Variants in KY observed in about 807,000 individuals in gnomAD.
KY encodes kyphoscoliosis peptidase.
Under a neutral mutation model 76.1 loss-of-function variants are expected in KY, and 43 were observed. The ratio of observed to expected loss-of-function variants is 0.57; its 90% CI spans 0.44 to 0.73. The LOEUF (loss-of-function observed/expected upper bound fraction) is 0.73, where lower values mean the gene tolerates loss of function less well. KY is among the 30% of genes least tolerant of loss of function. KY has a pLI of 0.00. For missense variants in KY, 722 were observed against 828.9 expected, an observed-to-expected ratio of 0.87 and a Z score of 1.58; for synonymous variants, 277 against 326.2, an observed-to-expected ratio of 0.85 and a Z score of 1.63.
intron 10 of KY, among the ~76,000 whole-genome samples, chr3:134,605,837 C>T (rs1403015176): frequency 6.6e-6 from 1 of 152,156 alleles, no homozygotes; most frequent in African/African-American, 2.4e-5. Flanking sequence ...CTCTTTGCGA[C>T]CCCCACTCTT....
rs201176095 is a variant in KY, at chr3:134,610,218, G to A, written c.876C>T (p.Thr292=). ...DSTWGSGLVD[T]ITSKFTFLYN... ...ACAGGAAGGTGAATTTGGAGGTGAT[G>A]GTGTCCACCAGGCCGCTGCCCCAGG... is the stretch of plus-strand genomic sequence containing the variant. Residue 292 remains threonine (T), a synonymous_variant, in exon 9 of 11, where the codon ACC becomes ACT. Coordinates refer to ENST00000423778, the MANE Select transcript of KY (RefSeq NM_178554.6). The A allele has an allele frequency of 3.7e-6, 6 of 1,613,426 alleles. No homozygotes were observed. The highest frequency in any genetic ancestry group is 5.1e-6 in the Non-Finnish European group (6 of 1,179,668).
Position 134,650,578 on chromosome 3 carries a change from G to A in KY, c.136+247C>T, listed in dbSNP as rs1868164. ...GAGGAAAAAGACTCCCAGGGGTGAC[G>A]GAAGCACCCACAGGCCTGCACAGGG... On this transcript the variant is annotated intron_variant, in intron 1 of 10. Transcript: ENST00000423778. 0.61 allele frequency among the ~76,000 whole-genome samples: 92,670 copies of A among 152,074 alleles called. 29,040 individuals are homozygous for A. Among genetic ancestry groups the A allele is most frequent in the East Asian group, 0.89 (4,552 of 5,142 alleles).
At chr3:134,606,630 C>T (rs976051090) in intron 10 of KY, among the ~76,000 whole-genome samples, 4 of 152,180 alleles carry the variant, frequency 2.6e-5, no homozygotes, top group Non-Finnish European at 2.9e-5. Context: ...TCCTTGCTGG[C>T]CTGTGGGCTC....
In KY at chr3:134,643,479, G is replaced by A. The variant is rs142617806; in HGVS notation, c.200-101C>T. ...TTTGCGGGAAAGGTGGGCTGGCGGG[G>A]GCCAAGCACATCCCCAGGCCTAAAT... On this transcript the variant is annotated intron_variant, in intron 2 of 10. Coordinates refer to ENST00000423778, the MANE Select transcript of KY (RefSeq NM_178554.6). The A allele has an allele frequency of 2.7e-5, 25 of 920,294 alleles. No individual in the cohort carries two copies. The African/African-American group carries it at 3.6e-4, about 13-fold the overall frequency. 57.0% of individuals were successfully genotyped at this position (920,294 alleles called of 1,614,324 possible). A position where few individuals can be genotyped will look rare whatever the true frequency, so the allele number is the denominator to read the frequency against.
At position 134,603,279 on chromosome 3, in the gene KY, A is replaced by T. The variant is rs575070011; in HGVS notation, c.*300T>A. ...CTACAGCAACAACAACAGCAGCAGC[A>T]CTAATACGAGAAGGGGCATCTGGAT... On this transcript the variant is annotated 3_prime_UTR_variant, in exon 11 of 11. Coordinates refer to ENST00000423778, the MANE Select transcript of KY (RefSeq NM_178554.6). 4.9e-5 allele frequency: 13 copies of T among 263,826 alleles called. No homozygotes were observed. Among genetic ancestry groups the T allele is most frequent in the African/African-American group, 2.9e-4 (13 of 45,582 alleles). 16.3% of individuals were successfully genotyped at this position (263,826 alleles called of 1,614,324 possible).
intron 3 of KY, 103 bp downstream of exon 3, chr3:134,643,213 C>T (rs993749011): frequency 3.1e-5 from 34 of 1,086,442 alleles, no homozygotes; most frequent in Non-Finnish European, 3.5e-5. Context: ...GAGGACCCTG[C>T]TCCCCATAGT....
At position 134,603,465 on chromosome 3, in the gene KY, A is replaced by G; in HGVS notation, c.*114T>C. 1.1e-6 allele frequency: 1 copy of G among 928,162 alleles called. No individual in the cohort carries two copies. The highest frequency in any genetic ancestry group is 3.4e-4 in the Middle Eastern group (1 of 2,940). 57.5% of individuals were successfully genotyped at this position (928,162 alleles called of 1,614,324 possible). On this transcript the variant is annotated 3_prime_UTR_variant, in exon 11 of 11. Coordinates refer to ENST00000423778, the MANE Select transcript of KY (RefSeq NM_178554.6). ...AGGTGGGACACTGAGGCAGAGGCCT[A>G]GAAGGGATTTCATGCAGACTCAGTG...
chr3:134,612,715 G>A (rs1560107097), intron 8 of KY, among the ~76,000 whole-genome samples: 1 of 150,052 alleles, frequency 6.7e-6, no homozygotes, highest in Non-Finnish European at 1.5e-5. Flanking sequence ...ACAACAGCAT[G>A]TCAATCTCTC....
chr3:134,621,025 A>G (rs1415132206), intron 6 of KY, among the ~76,000 whole-genome samples, 168 bp from the exon 7 acceptor site: 1 of 152,156 alleles, frequency 6.6e-6, no homozygotes, highest in East Asian at 1.9e-4. Context: ...AGGTGGGGGA[A>G]GTTGGACAGG....
At chr3:134,617,479 C>T (rs1233513474) in intron 8 of KY, among the ~76,000 whole-genome samples, 2 of 152,062 alleles carry the variant, frequency 1.3e-5, no homozygotes, top group African/African-American at 4.8e-5. Context: ...CGTATACAAT[C>T]GATAGGATGT....
Position 134,603,389 on chromosome 3 carries a change from C to A in KY, c.*190G>T. The A allele has an allele frequency of 1.8e-6, 1 of 549,240 alleles. No homozygotes were observed. The highest frequency in any genetic ancestry group is 2.9e-5 in the South Asian group (1 of 34,400). 34.0% of individuals were successfully genotyped at this position (549,240 alleles called of 1,614,324 possible). Reference sequence around the variant, plus strand: ...ACTGCCTCTGCCCCCTCAGTCACAGCCACACCTGAGTGAAGCCTTCAGAAC... The same window carrying A: ...ACTGCCTCTGCCCCCTCAGTCACAGACACACCTGAGTGAAGCCTTCAGAAC... On this transcript the variant is annotated 3_prime_UTR_variant, in exon 11 of 11. Coordinates refer to ENST00000423778, the MANE Select transcript of KY (RefSeq NM_178554.6).
intron 1 of KY, among the ~76,000 whole-genome samples, chr3:134,648,996 C>T (rs1264882925): frequency 6.6e-6 from 1 of 152,138 alleles, no homozygotes; most frequent in Non-Finnish European, 1.5e-5. Flanking sequence ...CATTTTCCTC[C>T]CTTAGGCTGT....
chr3:134,613,934 T>A (rs4955544), intron 8 of KY, among the ~76,000 whole-genome samples: 95,015 of 152,062 alleles, frequency 0.62, 30,201 homozygotes, highest in East Asian at 0.87. Flanking sequence ...ACACACTGTG[T>A]ATAAAGCACT....
intron 7 of KY, among the ~76,000 whole-genome samples, chr3:134,620,143 G>A (rs1962349601): frequency 6.6e-6 from 1 of 152,140 alleles, no homozygotes; most frequent in African/African-American, 2.4e-5. Context: ...GCATCCCTTA[G>A]CCACCACCTC....
rs4955542 is a variant in KY at position 134,609,898 on chromosome 3, A to G, written c.899+297T>C. 0.63 allele frequency among the ~76,000 whole-genome samples: 95,604 copies of G among 152,188 alleles called. 30,472 individuals are homozygous for G. The highest frequency in any genetic ancestry group is 0.87 in the East Asian group (4,502 of 5,178). On this transcript the variant is annotated intron_variant, in intron 9 of 10. Coordinates refer to ENST00000423778, the MANE Select transcript of KY (RefSeq NM_178554.6). ...AACAACTAAAGAAGGCTATTAGCCC[A>G]CCTTTCCTCATGTGTGGTCTGGGGG... is the stretch of plus-strand genomic sequence containing the variant.
intron 5 of KY, among the ~76,000 whole-genome samples, 165 bp downstream of exon 5, chr3:134,627,591 G>A (rs1376183873): frequency 6.6e-6 from 1 of 152,120 alleles, no homozygotes; most frequent in Non-Finnish European, 1.5e-5. Context: ...TGTGTCCATG[G>A]CAGACATTGC....
chr3:134,650,804 C>G (rs761798148), intron 1 of KY, 21 bp downstream of exon 1: 9 of 1,553,660 alleles, frequency 5.8e-6, no homozygotes, highest in East Asian at 4.7e-5. Context: ...GACCCGGGGA[C>G]CCGGGTCGGG....
chr3:134,647,300 G>T, intron 2 of KY, 135 bp downstream of exon 2: 2 of 692,198 alleles, frequency 2.9e-6, no homozygotes, highest in Non-Finnish European at 4.9e-6. Context: ...TAGAGGCCTG[G>T]CTGGGTCAGG....
chr3:134,615,428 T>G (rs1425760546), intron 8 of KY: 1 of 148,484 alleles, frequency 6.7e-6, no homozygotes, highest in Non-Finnish European at 1.5e-5. Flanking sequence ...ATATTCCTCA[T>G]AGCTGACATG....
Sources: allele counts gnomAD v4.1 joint callset (sites outside exome capture counted in the v4.1 genomes callset), GRCh38; gene constraint gnomAD v4.1.1; transcripts MANE v1.5; gene names NCBI Gene and HGNC (gene_info 2026-07-23, HGNC 2026-07-21).